The following SLC10A7 variants were observed in gnomAD, a reference collection of about 807,000 sequenced individuals.
SLC10A7 encodes solute carrier family 10 member 7.
In SLC10A7, 29 loss-of-function variants were observed where a neutral mutation model predicts 43.2. The ratio of observed to expected loss-of-function variants is 0.67; its 90% CI spans 0.50 to 0.92. The LOEUF (loss-of-function observed/expected upper bound fraction) is 0.92. SLC10A7 is among the 40% of genes least tolerant of loss of function. The pLI is 0.00. For missense variants in SLC10A7, 295 were observed against 403.2 expected, an observed-to-expected ratio of 0.73 and a Z score of 2.30; for synonymous variants, 152 against 144.8, an observed-to-expected ratio of 1.05 and a Z score of -0.35.
intron 4 of SLC10A7, among the ~76,000 whole-genome samples, chr4:146,492,145 T>G (rs919538949): frequency 1.3e-5 from 2 of 150,976 alleles, no homozygotes; most frequent in Non-Finnish European, 3.0e-5. Flanking sequence ...GCATGCACCC[T>G]GGAGGCGGAG....
chr4:146,334,503 G>T (rs1322861597), intron 5 of SLC10A7, among the ~76,000 whole-genome samples: 2 of 152,102 alleles, frequency 1.3e-5, no homozygotes, highest in African/African-American at 2.4e-5. Flanking sequence ...CAGCAGCAAT[G>T]TAAGAAGAAT....
chr4:146,493,810 A>T (rs902127019), intron 4 of SLC10A7, among the ~76,000 whole-genome samples: 1 of 152,236 alleles, frequency 6.6e-6, no homozygotes. Context: ...CAAACTAATA[A>T]ACTAAAATTA....
At chr4:146,391,359 G>A (rs1738413972) in intron 5 of SLC10A7, among the ~76,000 whole-genome samples, 1 of 152,174 alleles carries the variant, frequency 6.6e-6, no homozygotes, top group Non-Finnish European at 1.5e-5. Context: ...TCTAAAAAGA[G>A]CAGTCTGAAC....
intron 4 of SLC10A7, among the ~76,000 whole-genome samples, chr4:146,451,900 T>A (rs1271811844): frequency 6.6e-6 from 1 of 152,010 alleles, no homozygotes; most frequent in African/African-American, 2.4e-5. Flanking sequence ...GCAAAAGCTA[T>A]CTTGCATCCA....
At chr4:146,306,672 T>C (rs1731599471) in intron 6 of SLC10A7, among the ~76,000 whole-genome samples, 1 of 152,186 alleles carries the variant, frequency 6.6e-6, no homozygotes, top group South Asian at 2.1e-4. Flanking sequence ...TAAGATGCTA[T>C]TCCCTGCAGC....
At chr4:146,317,228 G>GA (rs1366222319) in intron 6 of SLC10A7, among the ~76,000 whole-genome samples, 22 of 151,992 alleles carry the variant, frequency 1.4e-4, no homozygotes, top group Non-Finnish European at 2.5e-4. Flanking sequence ...CAACTTTTTG[G>GA]ACAGATGCAT....
intron 6 of SLC10A7, among the ~76,000 whole-genome samples, chr4:146,308,370 T>A (rs1193009855): frequency 6.6e-6 from 1 of 152,048 alleles, no homozygotes; most frequent in Non-Finnish European, 1.5e-5. Flanking sequence ...AGAGGACCCC[T>A]GGGGAAGTTT....
At chr4:146,429,014 G>A (rs1729580317) in intron 5 of SLC10A7, among the ~76,000 whole-genome samples, 1 of 151,906 alleles carries the variant, frequency 6.6e-6, no homozygotes, top group African/African-American at 2.4e-5. Context: ...CTACTTCACA[G>A]GATTTTCTTC....
intron 5 of SLC10A7, among the ~76,000 whole-genome samples, chr4:146,377,244 A>T (rs1737269883): frequency 2.0e-5 from 3 of 152,180 alleles, no homozygotes. Context: ...TTACACACTC[A>T]ATAAAATCTC....
intron 9 of SLC10A7, among the ~76,000 whole-genome samples, chr4:146,290,746 C>A (rs1048465134): frequency 6.6e-6 from 1 of 152,030 alleles, no homozygotes; most frequent in Non-Finnish European, 1.5e-5. Context: ...GTAGTCTCAG[C>A]TAACTCAGGA....
chr4:146,359,223 A>C (rs1007655980), intron 5 of SLC10A7, among the ~76,000 whole-genome samples: 2 of 152,016 alleles, frequency 1.3e-5, no homozygotes, highest in Non-Finnish European at 2.9e-5. Context: ...TTATTGTGTC[A>C]CCTATTTTTA....
chr4:146,512,363 C>G (rs765317928), intron 2 of SLC10A7, among the ~76,000 whole-genome samples: 1 of 152,152 alleles, frequency 6.6e-6, no homozygotes, highest in Non-Finnish European at 1.5e-5. Flanking sequence ...AATTCATATT[C>G]TTGGACCCCA....
intron 5 of SLC10A7, among the ~76,000 whole-genome samples, chr4:146,327,095 C>T (rs1026152831): frequency 6.6e-6 from 1 of 152,140 alleles, no homozygotes; most frequent in Non-Finnish European, 1.5e-5. Context: ...TTGGTATTTA[C>T]ATGAAAGTCC....
intron 5 of SLC10A7, among the ~76,000 whole-genome samples, chr4:146,368,637 C>CCCTT (rs774336730): frequency 6.6e-6 from 1 of 152,058 alleles, no homozygotes; most frequent in Non-Finnish European, 1.5e-5. Flanking sequence ...CAACTTGTGC[C>CCCTT]CCTTCCTTCC....
intron 10 of SLC10A7, among the ~76,000 whole-genome samples, chr4:146,272,171 TTA>T (rs749081605): frequency 1.9e-4 from 29 of 152,116 alleles, no homozygotes; most frequent in Admixed American, 6.5e-4. Flanking sequence ...ATGATGTAGA[TTA>T]TGTTTTAAAA....
At chr4:146,487,959 G>C (rs540057006) in intron 4 of SLC10A7, among the ~76,000 whole-genome samples, 1 of 152,072 alleles carries the variant, frequency 6.6e-6, no homozygotes, top group African/African-American at 2.4e-5. Context: ...CTGGGAGGTA[G>C]GAGGATTGCT....
chr4:146,272,992 AG>A (rs1051640789), intron 10 of SLC10A7, among the ~76,000 whole-genome samples: 18 of 152,138 alleles, frequency 1.2e-4, no homozygotes, highest in African/African-American at 4.3e-4. Context: ...CCCTTTCAGG[AG>A]CACTGAGGGC....
At chr4:146,416,243 C>G (rs1219219222) in intron 5 of SLC10A7, among the ~76,000 whole-genome samples, 1 of 150,726 alleles carries the variant, frequency 6.6e-6, no homozygotes, top group Non-Finnish European at 1.5e-5. Flanking sequence ...TAGAAGTCAG[C>G]ATGGTTAGCA....
At chr4:146,476,404 G>T (rs143171087) in intron 4 of SLC10A7, among the ~76,000 whole-genome samples, 11 of 152,152 alleles carry the variant, frequency 7.2e-5, no homozygotes, top group Non-Finnish European at 1.5e-4. Context: ...TAAGTGGTCA[G>T]CAGTATTGAC....
Sources: gnomAD v4.1 joint callset for allele counts (sites outside exome capture counted in the v4.1 genomes callset) on GRCh38, gnomAD v4.1.1 for gene constraint, MANE v1.5 for transcripts, NCBI Gene and HGNC (gene_info 2026-07-23, HGNC 2026-07-21) for gene names.